FBXW5: variants seen among roughly 807,000 people sequenced by gnomAD.
FBXW5 encodes the protein F-box/WD repeat-containing protein 5.
Under a neutral mutation model 50.9 loss-of-function variants are expected in FBXW5, and 74 were observed. That is an observed-to-expected ratio of 1.45 (90% CI 1.20 to 1.76). The LOEUF (loss-of-function observed/expected upper bound fraction) is 1.76. Among genes scored for constraint, FBXW5 ranks in the 40% most tolerant of loss-of-function variants. The pLI is 0.00. For synonymous variants in FBXW5, 523 were observed against 362.2 expected (o/e 1.44, Z -5.04); for missense variants, 1,073 against 818.8 (o/e 1.31, Z -3.79).
chr9:136,943,808 G>GC lies in FBXW5; in HGVS notation c.193+82dup, dbSNP rs1564438266. 6 of 1,423,600 alleles carry GC rather than the reference G, an allele frequency of 4.2e-6. No homozygotes were observed. The East Asian group carries it at 7.5e-5, about 18-fold the overall frequency. The allele number at this position is 1,423,600 out of a possible 1,614,324, so 88.2% of individuals were successfully genotyped here. A position where few individuals can be genotyped will look rare whatever the true frequency, so the allele number is the denominator to read the frequency against. Reference sequence around the variant, plus strand: ...ATGGACACGCGGGGCCGCGGGGCGGGCCCCCAGCCAGGCTGACCCCCAAGC... The same window carrying GC: ...ATGGACACGCGGGGCCGCGGGGCGGGCCCCCCAGCCAGGCTGACCCCCAAGC... On this transcript the variant is annotated intron_variant, in intron 2 of 8. Transcript: ENST00000325285.
intron 1 of FBXW5, 91 bp downstream of exon 1, chr9:136,944,503 C>T (rs1347623383): frequency 2.0e-6 from 2 of 983,832 alleles, no homozygotes; most frequent in Non-Finnish European, 2.4e-6. Flanking sequence ...ACGGCGGGGA[C>T]GAGCGCACGG....
rs1850714337 is a variant in FBXW5, at chr9:136,940,659, TGA to T, written c.*267_*268del. On this transcript the variant is annotated 3_prime_UTR_variant, in exon 9 of 9. Coordinates refer to ENST00000325285, the MANE Select transcript of FBXW5 (RefSeq NM_018998.4). ...GTCAGGTGTACCCCTAGCCTGGGGT[TGA>T]GTGAGGAGCGGCACCCCCAGTATCC... 4.0e-6 allele frequency: 2 copies of T among 501,526 alleles called. No homozygotes were observed. Among genetic ancestry groups the T allele is most frequent in the Non-Finnish European group, 7.2e-6 (2 of 278,958 alleles). The allele number at this position is 501,526 out of a possible 1,614,324, so 31.1% of individuals were successfully genotyped here. A position where few individuals can be genotyped will look rare whatever the true frequency, so the allele number is the denominator to read the frequency against.
At position 136,944,070 on chromosome 9, in the gene FBXW5, C is replaced by CCGCCCTCGTCCATCGTGA. The variant is rs1850933108; in HGVS notation, c.-5_13dup (p.Gly4_Gly5insValThrMetAspGluGly). Reference sequence around the variant, plus strand: ...CAGGCTGTCGGGGAGCAGGGGCGTGCCGCCCTCGTCCATCGTGACATTCTG... The same window carrying CCGCCCTCGTCCATCGTGA: ...CAGGCTGTCGGGGAGCAGGGGCGTGCCGCCCTCGTCCATCGTGACGCCCTCGTCCATCGTGACATTCTG... On this transcript the variant is annotated inframe_insertion, in exon 2 of 9. Coordinates refer to ENST00000325285, the MANE Select transcript of FBXW5 (RefSeq NM_018998.4). 3.1e-6 allele frequency: 5 copies of CCGCCCTCGTCCATCGTGA among 1,595,448 alleles called. No individual in the cohort carries two copies. Among genetic ancestry groups the CCGCCCTCGTCCATCGTGA allele is most frequent in the Non-Finnish European group, 4.3e-6 (5 of 1,171,860 alleles).
chr9:136,943,016 GA>G, intron 3 of FBXW5, 73 bp from the exon 4 acceptor site: 2 of 1,601,088 alleles, frequency 1.2e-6, no homozygotes, highest in South Asian at 2.2e-5. Context: ...ACACAGCCAT[GA>G]GGCCCCAGCT....
Position 136,942,955 on chromosome 9 carries a change from G to A in FBXW5, c.352-12C>T, listed in dbSNP as rs560242649. ...TCGTTGCTCCAGATCTGTTCGGCAG[G>A]GGCGGCTGTAGTGATCGCCTGGCCA... is the stretch of plus-strand genomic sequence containing the variant. On this transcript the variant is annotated splice_polypyrimidine_tract_variant and intron_variant, in intron 3 of 8. Transcript: ENST00000325285. The A allele has an allele frequency of 1.9e-6, 3 of 1,612,728 alleles. No individual in the cohort carries two copies. Among genetic ancestry groups the A allele is most frequent in the South Asian group, 2.2e-5 (2 of 91,082 alleles).
chr9:136,942,917 C>G lies in FBXW5; in HGVS notation c.378G>C (p.Ser126=). 1.2e-6 allele frequency: 2 copies of G among 1,613,336 alleles called. No individual in the cohort carries two copies. The highest frequency in any genetic ancestry group is 8.5e-7 in the Non-Finnish European group (1 of 1,179,930). The part of the protein sequence containing the change: ...VKIWSNDLTI[S]LLHSADMRPY... The stretch of plus-strand genomic sequence containing the variant: ...GCCGCATGTCCGCGCTGTGCAGCAG[C>G]GAGATGGTCAGGTCGTTGCTCCAGA... The change falls in exon 4 of 9, where the codon TCG becomes TCC. Residue 126 remains serine, a synonymous_variant. Transcript: ENST00000325285.
At chr9:136,944,165 C>G (rs1056679556) in intron 1 of FBXW5, 59 bp from the exon 2 acceptor site, 2 of 1,461,044 alleles carry the variant, frequency 1.4e-6, no homozygotes, top group East Asian at 2.5e-5. Flanking sequence ...CGAGAGCGGG[C>G]GTCCTGTTCC....
rs1850721491 is a variant in FBXW5 at position 136,940,826 on chromosome 9, G to GT, written c.*101dup. ...GGCCTGGTTGTCCCCTTCCTAAGGC[G>GT]TAACTGCTATAAGCATCTCCACCTC... On this transcript the variant is annotated 3_prime_UTR_variant, in exon 9 of 9. Coordinates refer to ENST00000325285, the MANE Select transcript of FBXW5 (RefSeq NM_018998.4). 1.4e-6 allele frequency: 2 copies of GT among 1,456,922 alleles called. No individual in the cohort carries two copies. The highest frequency in any genetic ancestry group is 1.8e-6 in the Non-Finnish European group (2 of 1,098,828). 90.2% of individuals were successfully genotyped at this position (1,456,922 alleles called of 1,614,324 possible). A position where few individuals can be genotyped will look rare whatever the true frequency, so the allele number is the denominator to read the frequency against.
chr9:136,944,292 T>C (rs1850945907), intron 1 of FBXW5, 186 bp from the exon 2 acceptor site: 2 of 675,412 alleles, frequency 3.0e-6, no homozygotes, highest in South Asian at 8.6e-5. Context: ...CCGGCCCCTC[T>C]CCGCCGCGTC....
Position 136,942,348 on chromosome 9 carries a change from A to C in FBXW5, c.794T>G (p.Leu265Arg). The change falls in exon 6 of 9, where the codon CTG becomes CGG. Residue 265 changes from leucine to arginine, a missense_variant. By Grantham distance (102) the Leu-to-Arg change is moderately radical. Transcript: ENST00000325285. Reference sequence around the variant, plus strand: ...GGCCGGGTCACCGGCTTCCAGCAGCAGGTCAGGGCTGTCGAAGCGGCTGCA... The same window carrying C: ...GGCCGGGTCACCGGCTTCCAGCAGCCGGTCAGGGCTGTCGAAGCGGCTGCA... The part of the protein sequence containing the change: ...ADCSRFDSPD[L>R]LLEAGDPATS... 1 of 1,606,704 alleles carries C rather than the reference A, an allele frequency of 6.2e-7. No individual in the cohort carries two copies. Among genetic ancestry groups the C allele is most frequent in the Non-Finnish European group, 8.5e-7 (1 of 1,177,364 alleles).
rs1850785092 is a variant in FBXW5 at position 136,941,886 on chromosome 9, C to A, written c.1096+160G>T. The A allele has an allele frequency of 2.8e-6, 4 of 1,436,250 alleles. No homozygotes were observed. In the South Asian group the frequency reaches 4.4e-5, roughly 16 times the overall value. The allele number at this position is 1,436,250 out of a possible 1,614,324, so 89.0% of individuals were successfully genotyped here. On this transcript the variant is annotated intron_variant, in intron 6 of 8. Coordinates refer to ENST00000325285, the MANE Select transcript of FBXW5 (RefSeq NM_018998.4). ...GCCCTGCCTGCGTTTGTTTTCACTG[C>A]TCATCCCACAGGCCCCAGGTCTGGG...
chr9:136,942,483 G>A lies in FBXW5; in HGVS notation c.676-17C>T, dbSNP rs201451443. ...CTCCACATCCTGGGGGCGGGGGCAC[G>A]TGCCAGGTGGGCGCCGGGCGCCAGG... On this transcript the variant is annotated splice_polypyrimidine_tract_variant and intron_variant, in intron 5 of 8. Coordinates refer to ENST00000325285, the MANE Select transcript of FBXW5 (RefSeq NM_018998.4). The A allele has an allele frequency of 7.5e-4, 1,198 of 1,599,032 alleles. 1 individual carries two copies. Among genetic ancestry groups the A allele is most frequent in the Non-Finnish European group, 8.9e-4 (1,043 of 1,169,806 alleles).
At chr9:136,941,974 C>A in intron 6 of FBXW5, 72 bp downstream of exon 6, 2 of 1,489,754 alleles carry the variant, frequency 1.3e-6, no homozygotes, top group Non-Finnish European at 1.8e-6. Context: ...TGCTGTCTGC[C>A]CCTCAGGACC....
Position 136,944,023 on chromosome 9 carries a change from G to T in FBXW5, c.61C>A (p.Leu21Met). ...DSLVYQIFLS[L>M]GPADVLAAGL... is the part of the protein sequence containing the mutation. ...GCGGCCAGCACGTCGGCCGGGCCCA[G>T]GCTCAGGAAGATCTGGTAGACCAGG... is the stretch of plus-strand genomic sequence containing the variant. The change falls in exon 2 of 9, where the codon CTG (leucine) becomes ATG (methionine). Residue 21 changes from leucine to methionine, a missense_variant. By Grantham distance (15) the Leu-to-Met change is conservative. Coordinates refer to ENST00000325285, the MANE Select transcript of FBXW5 (RefSeq NM_018998.4). 6.2e-7 allele frequency: 1 copy of T among 1,602,892 alleles called. No homozygotes were observed.
In FBXW5 at chr9:136,942,108, CCTGTGGCACTGCGCTCGGGTGGCTTG is replaced by C. The variant is rs1564434080; in HGVS notation, c.1008_1033del (p.Lys337ArgfsTer39). On this transcript the variant is annotated frameshift_variant, in exon 6 of 9. Coordinates refer to ENST00000325285, the MANE Select transcript of FBXW5 (RefSeq NM_018998.4). LOFTEE classifies it high-confidence loss of function. Reference sequence around the variant, plus strand: ...GAAGATGAGGTACTTGCTCTTGGCGCCTGTGGCACTGCGCTCGGGTGGCTTGGTGTGGCCCTGGGCCAGCAGCTCGG... The same window carrying C: ...GAAGATGAGGTACTTGCTCTTGGCGCGTGTGGCCCTGGGCCAGCAGCTCGG... 20 of 1,612,922 alleles carry C rather than the reference CCTGTGGCACTGCGCTCGGGTGGCTTG, an allele frequency of 1.2e-5. No homozygotes were observed. Among genetic ancestry groups the C allele is most frequent in the Non-Finnish European group, 1.7e-5 (20 of 1,179,448 alleles).
In FBXW5 at chr9:136,943,883, C is replaced by T. The variant is rs753398985; in HGVS notation, c.193+8G>A. The stretch of plus-strand genomic sequence containing the variant: ...AGAACGTGGGTAGGGGCCCCACACG[C>T]CACTGACCTGGGTGTCGGGGCACGT... On this transcript the variant is annotated splice_region_variant and intron_variant, in intron 2 of 8. Transcript: ENST00000325285. The T allele has an allele frequency of 6.5e-7, 1 of 1,549,556 alleles. No homozygotes were observed. Among genetic ancestry groups the T allele is most frequent in the South Asian group, 1.2e-5 (1 of 84,012 alleles).
chr9:136,942,277 C>T lies in FBXW5; in HGVS notation c.865G>A (p.Val289Met). 6.3e-7 allele frequency: 1 copy of T among 1,585,014 alleles called. No individual in the cohort carries two copies. The highest frequency in any genetic ancestry group is 8.6e-7 in the Non-Finnish European group (1 of 1,166,554). ...TGGGCGGGGGCCGGGCCAGCCACCACCTCCTCGTTGTCGCTGCCCAGGTCA... is the reference window on the plus strand; with the variant it reads ...TGGGCGGGGGCCGGGCCAGCCACCATCTCCTCGTTGTCGCTGCCCAGGTCA... ...IFDLGSDNEE[V>M]VAGPAPAHAK... Residue 289 changes from valine (V) to methionine (M), a missense_variant, in exon 6 of 9, where the codon GTG (valine) becomes ATG (methionine). Val to Met is a conservative substitution (Grantham distance 21). Transcript: ENST00000325285.
chr9:136,943,182 C>T (rs768676739), intron 3 of FBXW5, among the ~76,000 whole-genome samples, 167 bp downstream of exon 3: 21 of 152,142 alleles, frequency 1.4e-4, no homozygotes, highest in Admixed American at 3.3e-4. Context: ...CACCCTGCAC[C>T]GCTCCTGATC....
At position 136,943,500 on chromosome 9, in the gene FBXW5, A is replaced by G; in HGVS notation, c.200T>C (p.Met67Thr). Residue 67 changes from methionine to threonine, a missense_variant, in exon 3 of 9, where the codon ATG becomes ACG. Transcript: ENST00000325285. ...CCGCTGGAACTCCTCGTACCAGGAC[A>G]TGGCCGCTGCGGGTGGGCAGTTGTC... Reference protein sequence around the residue: ...ARDVPRHPAAMSWYEEFQRLY... With the variant: ...ARDVPRHPAATSWYEEFQRLY... 1.2e-6 allele frequency: 2 copies of G among 1,608,420 alleles called. No homozygotes were observed. The highest frequency in any genetic ancestry group is 2.2e-5 in the South Asian group (2 of 91,014).
Sources: gnomAD v4.1 joint callset for allele counts (sites outside exome capture counted in the v4.1 genomes callset) on GRCh38, gnomAD v4.1.1 for gene constraint, MANE v1.5 for transcripts, NCBI Gene and HGNC (gene_info 2026-07-23, HGNC 2026-07-21) for gene names.